Variants in PTPN9 observed in about 807,000 individuals in gnomAD.
PTPN9 encodes the protein protein tyrosine phosphatase non-receptor type 9, also known as tyrosine-protein phosphatase non-receptor type 9.
PTPN9 carries 26 observed loss-of-function variants against 69.8 expected under a neutral mutation model. That is an observed-to-expected ratio of 0.37 (90% CI 0.27 to 0.52). The LOEUF (loss-of-function observed/expected upper bound fraction) is 0.52, where lower values mean the gene tolerates loss of function less well. Among genes scored for constraint, PTPN9 ranks in the 20% least tolerant of loss-of-function variants. PTPN9 has a pLI of 0.91. For synonymous variants in PTPN9, 274 were observed against 272.5 expected, an observed-to-expected ratio of 1.01 and a Z score of -0.05; for missense variants, 549 against 740.3, an observed-to-expected ratio of 0.74 and a Z score of 3.00.
intron 7 of PTPN9, among the ~76,000 whole-genome samples, chr15:75,504,448 G>A (rs1232129153): frequency 2.9e-4 from 39 of 132,230 alleles, no homozygotes; most frequent in African/African-American, 1.1e-3. Flanking sequence ...TCAGCCCCCC[G>A]CCCGGCCAGC....
chr15:75,514,114 A>G (rs910672335), intron 5 of PTPN9, among the ~76,000 whole-genome samples: 46 of 151,520 alleles, frequency 3.0e-4, no homozygotes, highest in Admixed American at 6.6e-4. Flanking sequence ...AAAAAAAAAA[A>G]AAAGAAAGAA....
chr15:75,469,922 G>A lies in PTPN9; in HGVS notation c.1437C>T (p.Ser479=). ...PDYGVPSSAA[S]LIDFLRVVRN... ...TGACCACTCTCAAGAAGTCAATGAG[G>A]GAAGCTGCTGAGGAAGGGACACCAT... The change falls in exon 12 of 13, where the codon TCC becomes TCT. Residue 479 remains serine (S), a synonymous_variant. Coordinates refer to ENST00000618819, the MANE Select transcript of PTPN9 (RefSeq NM_002833.4). 1 of 1,614,202 alleles carries A rather than the reference G, an allele frequency of 6.2e-7. No individual in the cohort carries two copies. The highest frequency in any genetic ancestry group is 8.5e-7 in the Non-Finnish European group (1 of 1,179,996).
Position 75,463,859 on chromosome 15 carries a change from C to T in PTPN9, c.*4910G>A, listed in dbSNP as rs2141665448. The T allele has an allele frequency of 1.3e-5, 2 of 152,374 alleles. No homozygotes were observed. Among genetic ancestry groups the T allele is most frequent in the Admixed American group, 1.3e-4 (2 of 15,302 alleles). 9.4% of individuals were successfully genotyped at this position (152,374 alleles called of 1,614,324 possible). On this transcript the variant is annotated 3_prime_UTR_variant, in exon 13 of 13. Transcript: ENST00000618819. ...ATGGTTCCCAGGCTGATGGGCATTTCCATTCCTGCCCTTGGTAGGCTCACA... is the reference window on the plus strand; with the variant it reads ...ATGGTTCCCAGGCTGATGGGCATTTTCATTCCTGCCCTTGGTAGGCTCACA...
At chr15:75,497,421 G>C (rs1254215247) in intron 7 of PTPN9, among the ~76,000 whole-genome samples, 1 of 152,110 alleles carries the variant, frequency 6.6e-6, no homozygotes, top group Non-Finnish European at 1.5e-5. Flanking sequence ...GAGCCCAGGA[G>C]GTTAAGGCTG....
intron 1 of PTPN9, among the ~76,000 whole-genome samples, chr15:75,541,801 G>C (rs1203932814): frequency 6.6e-6 from 1 of 151,360 alleles, no homozygotes; most frequent in East Asian, 2.0e-4. Flanking sequence ...CCACCTCCCA[G>C]GTTCAAGCAG....
chr15:75,471,116 G>A (rs1415670515), intron 10 of PTPN9, among the ~76,000 whole-genome samples: 3 of 152,164 alleles, frequency 2.0e-5, no homozygotes, highest in African/African-American at 7.2e-5. Context: ...ACATATGTGG[G>A]ATAAATACTG....
intron 9 of PTPN9, among the ~76,000 whole-genome samples, chr15:75,478,727 C>T (rs2074611066): frequency 6.6e-6 from 1 of 152,236 alleles, no homozygotes; most frequent in Admixed American, 6.5e-5. Context: ...ACTGGCAATA[C>T]ACAATGCAGG....
intron 7 of PTPN9, among the ~76,000 whole-genome samples, chr15:75,504,723 C>T (rs1352104805): frequency 1.4e-5 from 2 of 139,886 alleles, no homozygotes; most frequent in Non-Finnish European, 3.1e-5. Context: ...AGGTGAGGGG[C>T]GCCTCTGCCC....
intron 5 of PTPN9, among the ~76,000 whole-genome samples, chr15:75,515,426 CAAAAAAA>C (rs34643551): frequency 1.3e-4 from 9 of 69,420 alleles, no homozygotes; most frequent in East Asian, 4.3e-4. Flanking sequence ...GACTCCGTCT[CAAAAAAA>C]AAAAAAAAAA....
At chr15:75,514,331 C>T (rs2074859107) in intron 5 of PTPN9, among the ~76,000 whole-genome samples, 1 of 152,096 alleles carries the variant, frequency 6.6e-6, no homozygotes, top group South Asian at 2.1e-4. Flanking sequence ...GTAATCCCAG[C>T]ACTTTGGGAG....
At chr15:75,495,139 C>G (rs1299699458) in intron 7 of PTPN9, among the ~76,000 whole-genome samples, 4 of 152,104 alleles carry the variant, frequency 2.6e-5, no homozygotes. Context: ...AAAGTTATTT[C>G]TAACCTAGAG....
At chr15:75,552,189 G>A (rs1442754746) in intron 1 of PTPN9, among the ~76,000 whole-genome samples, 3 of 151,668 alleles carry the variant, frequency 2.0e-5, no homozygotes, top group African/African-American at 4.8e-5. Flanking sequence ...ACCTGAGGTC[G>A]GGAGTTCGAG....
chr15:75,540,054 T>C (rs1567512752), intron 1 of PTPN9, among the ~76,000 whole-genome samples: 1 of 152,318 alleles, frequency 6.6e-6, no homozygotes, highest in East Asian at 1.9e-4. Flanking sequence ...TCCTTATGGC[T>C]AAGACCTATA....
chr15:75,524,442 C>A, intron 2 of PTPN9, 144 bp from the exon 3 acceptor site: 1 of 531,770 alleles, frequency 1.9e-6, no homozygotes. Context: ...AATTTTGTAA[C>A]TAATTTCATA....
chr15:75,551,378 C>A (rs890193826), intron 1 of PTPN9, among the ~76,000 whole-genome samples: 4 of 152,092 alleles, frequency 2.6e-5, no homozygotes, highest in African/African-American at 9.7e-5. Flanking sequence ...CTTTTTGAAA[C>A]GGAGTCTCGC....
chr15:75,542,999 C>A (rs1393237172), intron 1 of PTPN9, among the ~76,000 whole-genome samples: 2 of 120,186 alleles, frequency 1.7e-5, no homozygotes, highest in South Asian at 3.5e-4. Flanking sequence ...TCCCTCCCCC[C>A]TCCCCCCACC....
chr15:75,502,455 A>AC (rs1460909183), intron 7 of PTPN9, among the ~76,000 whole-genome samples: 1 of 151,168 alleles, frequency 6.6e-6, no homozygotes, highest in East Asian at 1.9e-4. Context: ...CTCAGAAAGA[A>AC]AAAAAAAAGA....
chr15:75,511,537 C>A (rs1699004699), intron 5 of PTPN9, among the ~76,000 whole-genome samples: 1 of 152,160 alleles, frequency 6.6e-6, no homozygotes, highest in African/African-American at 2.4e-5. Context: ...AGCCTCCATG[C>A]CTGGCCTGTT....
At chr15:75,495,410 G>A (rs1449909829) in intron 7 of PTPN9, among the ~76,000 whole-genome samples, 1 of 151,988 alleles carries the variant, frequency 6.6e-6, no homozygotes, top group Non-Finnish European at 1.5e-5. Context: ...ATCTGATTGG[G>A]CATATAGAAA....
Sources: gnomAD v4.1 joint callset for allele counts (sites outside exome capture counted in the v4.1 genomes callset) on GRCh38, gnomAD v4.1.1 for gene constraint, MANE v1.5 for transcripts, NCBI Gene and HGNC (gene_info 2026-07-23, HGNC 2026-07-21) for gene names.